Variants in MYPN observed in about 807,000 individuals in gnomAD.
MYPN encodes the protein myopalladin, also known as sarcomeric protein myopalladin, 145 kDa (MYOP).
MYPN carries 63 observed loss-of-function variants against 129.4 expected under a neutral mutation model. The ratio of observed to expected loss-of-function variants is 0.49; its 90% CI spans 0.40 to 0.60. The LOEUF is 0.60. Ranked by LOEUF, MYPN falls within the 20% of genes least tolerant of loss-of-function variation. The pLI, the probability that MYPN is intolerant of heterozygous loss-of-function variation, is 0.00. For synonymous variants in MYPN, 629 were observed against 600.9 expected, an observed-to-expected ratio of 1.05 and a Z score of -0.68; for missense variants, 1,596 against 1,635.4, an observed-to-expected ratio of 0.98 and a Z score of 0.42.
chr10:68,200,206 C>T (rs1247401335), intron 17 of MYPN, among the ~76,000 whole-genome samples: 2 of 152,200 alleles, frequency 1.3e-5, no homozygotes, highest in African/African-American at 2.4e-5. Flanking sequence ...GACTGTGGCT[C>T]GTCTTGCACA....
intron 12 of MYPN, among the ~76,000 whole-genome samples, chr10:68,179,357 A>G (rs781439097): frequency 3.3e-5 from 5 of 152,168 alleles, no homozygotes; most frequent in Non-Finnish European, 4.4e-5. Flanking sequence ...GGACCCACAC[A>G]GAATGCACCA....
chr10:68,145,654 TAAAC>T (rs376105325), intron 4 of MYPN, 128 bp downstream of exon 4: 223 of 744,958 alleles, frequency 3.0e-4, no homozygotes, highest in Admixed American at 6.9e-4. Context: ...AATAAATAAA[TAAAC>T]AAACAAACAA....
chr10:68,129,506 T>C (rs1223223339), intron 2 of MYPN, among the ~76,000 whole-genome samples: 1 of 152,200 alleles, frequency 6.6e-6, no homozygotes, highest in African/African-American at 2.4e-5. Flanking sequence ...ATTTGGGTTG[T>C]TTACAGGTTT....
In MYPN at chr10:68,188,054, G is replaced by GC. The variant is rs202201533; in HGVS notation, c.2704-851_2704-850insC. Among the ~76,000 whole-genome samples, 1,005 of 105,902 alleles carry GC rather than the reference G, an allele frequency of 9.5e-3. 4 individuals are homozygous for GC. The highest frequency in any genetic ancestry group is 0.016 in the Admixed American group (149 of 9,256). 69.5% of individuals were successfully genotyped at this position (105,902 alleles called of 152,430 possible). A position where few individuals can be genotyped will look rare whatever the true frequency, so the allele number is the denominator to read the frequency against. ...ATTATTTCACATGGTTTTGTTGTGA[G>GC]GGGGGCAGAGAGATGCAGTGAAAGC... On this transcript the variant is annotated intron_variant, in intron 12 of 19. Transcript: ENST00000358913.
chr10:68,169,923 AAAG>A (rs2043119540), intron 10 of MYPN, among the ~76,000 whole-genome samples: 1 of 152,014 alleles, frequency 6.6e-6, no homozygotes, highest in South Asian at 2.1e-4. Flanking sequence ...TATTTTTAGC[AAAG>A]AAGGAGTTTC....
chr10:68,179,093 A>G (rs2134218452), intron 12 of MYPN, among the ~76,000 whole-genome samples: 1 of 152,034 alleles, frequency 6.6e-6, no homozygotes. Flanking sequence ...TGTTCCTCTA[A>G]TCTCCTTCTT....
chr10:68,145,391 T>C (rs2042645978), intron 3 of MYPN, 84 bp from the exon 4 acceptor site: 1 of 1,076,540 alleles, frequency 9.3e-7, no homozygotes. Flanking sequence ...CAAAGTATCA[T>C]CTTAAAAATC....
In MYPN at chr10:68,174,461, C is replaced by T; in HGVS notation, c.2369C>T (p.Thr790Ile). The T allele has an allele frequency of 6.2e-7, 1 of 1,614,184 alleles. No homozygotes were observed. The highest frequency in any genetic ancestry group is 8.5e-7 in the Non-Finnish European group (1 of 1,180,044). Residue 790 changes from threonine (T) to isoleucine (I), a missense_variant, in exon 11 of 20, where the codon ACA becomes ATA. By Grantham distance (89) the Thr-to-Ile change is moderately conservative. Transcript: ENST00000358913. The stretch of plus-strand genomic sequence containing the variant: ...AATGAGCCACTCCCACCAGGCCCAA[C>T]AGAACCAACACCACCACCATTCACA... ...IQNEPLPPGP[T>I]EPTPPPFTFS...
chr10:68,207,381 C>T (rs1294816150), intron 19 of MYPN, among the ~76,000 whole-genome samples: 3 of 152,140 alleles, frequency 2.0e-5, no homozygotes, highest in African/African-American at 4.8e-5. Flanking sequence ...TACCTCAGGG[C>T]GTTTGTACAC....
At chr10:68,186,965 A>G (rs2043431290) in intron 12 of MYPN, among the ~76,000 whole-genome samples, 1 of 152,186 alleles carries the variant, frequency 6.6e-6, no homozygotes, top group Non-Finnish European at 1.5e-5. Flanking sequence ...AGAGGAATCC[A>G]GGATGAGTCC....
chr10:68,181,997 G>A (rs947946126), intron 12 of MYPN, among the ~76,000 whole-genome samples: 3 of 151,950 alleles, frequency 2.0e-5, no homozygotes, highest in African/African-American at 7.3e-5. Context: ...TCCTCTTGCT[G>A]GGTCTTCTCC....
intron 2 of MYPN, among the ~76,000 whole-genome samples, chr10:68,130,061 T>C (rs1266490953): frequency 6.6e-6 from 1 of 152,244 alleles, no homozygotes; most frequent in East Asian, 1.9e-4. Flanking sequence ...TTTTTGTTTG[T>C]TGACCTTTCA....
intron 13 of MYPN, among the ~76,000 whole-genome samples, chr10:68,193,638 T>C (rs2043552339): frequency 1.3e-5 from 2 of 152,214 alleles, no homozygotes; most frequent in Non-Finnish European, 2.9e-5. Flanking sequence ...CTCTCTGCTC[T>C]ACTTTCATAA....
intron 15 of MYPN, among the ~76,000 whole-genome samples, chr10:68,196,763 G>T (rs1364712454): frequency 6.6e-6 from 1 of 152,002 alleles, no homozygotes; most frequent in Admixed American, 6.6e-5. Context: ...AGGATTACAG[G>T]CTTGAGCCAC....
chr10:68,207,682 A>G (rs1324286575), intron 19 of MYPN, among the ~76,000 whole-genome samples: 1 of 152,182 alleles, frequency 6.6e-6, no homozygotes, highest in Non-Finnish European at 1.5e-5. Flanking sequence ...ATCAAGTGAC[A>G]TTTGTAGGAT....
At position 68,148,551 on chromosome 10, in the gene MYPN, G is replaced by A. The variant is rs145083408; in HGVS notation, c.1245+84G>A. ...CATGACCATCTTGCATGGCATGATCGTGTTTTTCTCAGGTGCAACTCCATC... is the reference window on the plus strand; with the variant it reads ...CATGACCATCTTGCATGGCATGATCATGTTTTTCTCAGGTGCAACTCCATC... On this transcript the variant is annotated intron_variant, in intron 5 of 19. Transcript: ENST00000358913. 4,458 of 1,133,552 alleles carry A rather than the reference G, an allele frequency of 3.9e-3. 12 individuals carry two copies. The highest frequency in any genetic ancestry group is 5.7e-3 in the Middle Eastern group (29 of 5,092). The allele number at this position is 1,133,552 out of a possible 1,614,324, so 70.2% of individuals were successfully genotyped here.
intron 13 of MYPN, among the ~76,000 whole-genome samples, chr10:68,193,148 G>T (rs2043543468): frequency 6.7e-6 from 1 of 149,820 alleles, no homozygotes. Flanking sequence ...TTTTTATGTA[G>T]GTATTTATTG....
rs759400657 is a variant in MYPN at position 68,121,559 on chromosome 10, C to A, written c.121C>A (p.Pro41Thr). Residue 41 changes from proline to threonine, a missense_variant, in exon 2 of 20, where the codon CCT becomes ACT. Pro to Thr is a conservative substitution (Grantham distance 38). Transcript: ENST00000358913. The stretch of plus-strand genomic sequence containing the variant: ...GAGTCGAGCGGAGCCCTCCTCCAAC[C>A]CTTGCCATTTCGGCAGTCCTTCTGG... ...ERSRAEPSSNPCHFGSPSGAA... is the reference protein window; with the variant it reads ...ERSRAEPSSNTCHFGSPSGAA... 1 of 1,614,208 alleles carries A rather than the reference C, an allele frequency of 6.2e-7. No individual in the cohort carries two copies. The highest frequency in any genetic ancestry group is 8.5e-7 in the Non-Finnish European group (1 of 1,180,034).
chr10:68,139,093 A>G (rs2042533130), intron 2 of MYPN, among the ~76,000 whole-genome samples: 1 of 152,156 alleles, frequency 6.6e-6, no homozygotes, highest in Non-Finnish European at 1.5e-5. Flanking sequence ...CTCCTGCTCC[A>G]ACATGGAGCA....
Sources: allele counts gnomAD v4.1 joint callset (sites outside exome capture counted in the v4.1 genomes callset), GRCh38; gene constraint gnomAD v4.1.1; transcripts MANE v1.5; gene names NCBI Gene and HGNC (gene_info 2026-07-23, HGNC 2026-07-21).